The following KMT2C variants were observed in gnomAD, a reference collection of about 807,000 sequenced individuals.
KMT2C encodes the protein lysine methyltransferase 2C.
A neutral mutation model predicts 507.9 loss-of-function variants in KMT2C; 88 were observed. The ratio of observed to expected loss-of-function variants is 0.17; its 90% CI spans 0.15 to 0.21. The LOEUF (loss-of-function observed/expected upper bound fraction) is 0.21. KMT2C is among the 10% of genes least tolerant of loss of function. The probability of loss-of-function intolerance (pLI) is 1.00; values close to 1 mark genes in which losing one functional copy is unlikely to be tolerated. For missense variants in KMT2C, 4,954 were observed against 5,957.8 expected (o/e 0.83, Z 5.55); for synonymous variants, 2,049 against 2,080.8 (o/e 0.98, Z 0.42).
intron 6 of KMT2C, among the ~76,000 whole-genome samples, chr7:152,282,761 T>C (rs2096242040): frequency 6.6e-6 from 1 of 151,606 alleles, no homozygotes; most frequent in East Asian, 1.9e-4. Flanking sequence ...TTTTAGTATA[T>C]ACGTTCTAAT....
At chr7:152,186,993 C>T (rs879689155) in intron 33 of KMT2C, among the ~76,000 whole-genome samples, 10 of 152,160 alleles carry the variant, frequency 6.6e-5, no homozygotes, top group African/African-American at 1.4e-4. Context: ...TCACATAACA[C>T]GGATTTCTGC....
chr7:152,413,944 G>A (rs1037755226), intron 1 of KMT2C, among the ~76,000 whole-genome samples: 2 of 151,748 alleles, frequency 1.3e-5, no homozygotes, highest in African/African-American at 4.9e-5. Flanking sequence ...AGACGCGATG[G>A]CTCATGCCTG....
intron 31 of KMT2C, among the ~76,000 whole-genome samples, chr7:152,188,764 C>T (rs2093703213): frequency 1.3e-5 from 2 of 151,958 alleles, no homozygotes; most frequent in African/African-American, 4.8e-5. Context: ...CACTTGCCAC[C>T]ATGCCCAGCT....
intron 1 of KMT2C, among the ~76,000 whole-genome samples, chr7:152,397,479 C>T (rs139731919): frequency 0.013 from 1,983 of 152,264 alleles, 16 homozygotes; most frequent in Non-Finnish European, 0.022. Context: ...CTTCTTACCA[C>T]GGTGTGAAGG....
At chr7:152,179,314 T>C (rs1357557307) in intron 37 of KMT2C, among the ~76,000 whole-genome samples, 3 of 152,158 alleles carry the variant, frequency 2.0e-5, no homozygotes, top group Non-Finnish European at 4.4e-5. Context: ...ATTTAGAATG[T>C]AAAGTTAAAA....
chr7:152,315,408 AT>A, intron 3 of KMT2C, 70 bp from the exon 4 acceptor site: 1 of 1,072,352 alleles, frequency 9.3e-7, no homozygotes, highest in Non-Finnish European at 1.4e-6. Context: ...AGCGATAACT[AT>A]AGATACTTGT....
rs769355983 is a variant in KMT2C, at chr7:152,220,551, T to C, written c.3684A>G (p.Ser1228=). ...QTPPDIQSEH[S]RDGEMDDSRE... is the part of the protein sequence containing the mutation. ...GACTATCATCCATTTCACCATCCCT[T>C]GAATGCTCTGATTGGATGTCTGGAG... The change falls in exon 23 of 59, where the codon TCA becomes TCG. Residue 1228 remains serine, a synonymous_variant. Coordinates refer to ENST00000262189, the MANE Select transcript of KMT2C (RefSeq NM_170606.3). 10 of 1,611,190 alleles carry C rather than the reference T, an allele frequency of 6.2e-6. No homozygotes were observed. In the South Asian group the frequency reaches 9.9e-5, roughly 16 times the overall value.
At chr7:152,425,187 T>C (rs1318245420) in intron 1 of KMT2C, among the ~76,000 whole-genome samples, 2 of 152,218 alleles carry the variant, frequency 1.3e-5, no homozygotes, top group Non-Finnish European at 2.9e-5. Context: ...GGCTCAGTTA[T>C]CTATAAAATG....
chr7:152,399,075 C>T (rs1378461980), intron 1 of KMT2C, among the ~76,000 whole-genome samples: 9 of 152,096 alleles, frequency 5.9e-5, no homozygotes, highest in Non-Finnish European at 1.3e-4. Flanking sequence ...GCGATCCACC[C>T]ACCTTGGCTT....
At chr7:152,328,701 C>T (rs2096853291) in intron 3 of KMT2C, among the ~76,000 whole-genome samples, 1 of 152,106 alleles carries the variant, frequency 6.6e-6, no homozygotes, top group South Asian at 2.1e-4. Flanking sequence ...GGTTAAAAGG[C>T]TACTACAACT....
chr7:152,202,123 A>G (rs971390514), intron 26 of KMT2C, among the ~76,000 whole-genome samples: 5 of 152,230 alleles, frequency 3.3e-5, no homozygotes, highest in Non-Finnish European at 7.3e-5. Context: ...TGTGTAAGCC[A>G]TAGTTTCTTA....
chr7:152,367,820 G>A, intron 1 of KMT2C: 1 of 924,760 alleles, frequency 1.1e-6, no homozygotes, highest in Non-Finnish European at 1.8e-6. Context: ...CTAATAGCAG[G>A]GTGCAGTGTT....
chr7:152,183,449 T>C (rs904906381), intron 34 of KMT2C, among the ~76,000 whole-genome samples: 5 of 152,300 alleles, frequency 3.3e-5, no homozygotes, highest in Non-Finnish European at 5.9e-5. Context: ...TTAGAAATTA[T>C]GTCTCCTTCA....
rs1031628062 is a variant in KMT2C at position 152,176,060 on chromosome 7, C to T, written c.9262+131G>A. On this transcript the variant is annotated intron_variant, in intron 38 of 58. Transcript: ENST00000262189. ...TCCGTCTCAAAACAAAACAAACAAA[C>T]TCCTCAAGGAGGAATAGAAAAACTC... The T allele has an allele frequency of 6.1e-5, 60 of 975,712 alleles. No individual in the cohort carries two copies. In the Admixed American group the frequency reaches 1.5e-3, roughly 24 times the overall value. 60.4% of individuals were successfully genotyped at this position (975,712 alleles called of 1,614,324 possible). A position where few individuals can be genotyped will look rare whatever the true frequency, so the allele number is the denominator to read the frequency against.
Position 152,178,014 on chromosome 7 carries a change from TTAAAA to T in KMT2C, c.7443-9_7443-5del. ...ACTACCTCCTGGAAATCCAAATCTT[TTAAAA>T]AAAAAAAAAAAAAAAAAAAAAAAGC... On this transcript the variant is annotated splice_polypyrimidine_tract_variant and splice_region_variant and intron_variant, in intron 37 of 58. Coordinates refer to ENST00000262189, the MANE Select transcript of KMT2C (RefSeq NM_170606.3). 4.4e-6 allele frequency: 5 copies of T among 1,129,678 alleles called. No individual in the cohort carries two copies. Among genetic ancestry groups the T allele is most frequent in the South Asian group, 3.8e-5 (1 of 26,134 alleles). The allele number at this position is 1,129,678 out of a possible 1,614,324, so 70.0% of individuals were successfully genotyped here. A position where few individuals can be genotyped will look rare whatever the true frequency, so the allele number is the denominator to read the frequency against.
intron 53 of KMT2C, 49 bp downstream of exon 53, chr7:152,146,550 C>A (rs1261501791): frequency 6.3e-7 from 1 of 1,597,462 alleles, no homozygotes; most frequent in African/African-American, 1.3e-5. Flanking sequence ...AGTGGTCACA[C>A]TGAATCAGGA....
rs185295770 is a variant in KMT2C at position 152,218,104 on chromosome 7, T to C, written c.3712+2419A>G. Among the ~76,000 whole-genome samples, 712 of 152,318 alleles carry C rather than the reference T, an allele frequency of 4.7e-3. 6 individuals are homozygous for C. The highest frequency in any genetic ancestry group is 7.3e-3 in the Admixed American group (111 of 15,298). On this transcript the variant is annotated intron_variant, in intron 23 of 58. Coordinates refer to ENST00000262189, the MANE Select transcript of KMT2C (RefSeq NM_170606.3). ...TCAGAAAGTGTTTCTCCCAGTAACATAGACCCAAAACACACTACAAAACAA... is the reference window on the plus strand; with the variant it reads ...TCAGAAAGTGTTTCTCCCAGTAACACAGACCCAAAACACACTACAAAACAA...
chr7:152,250,425 T>C (rs928785310), intron 12 of KMT2C, among the ~76,000 whole-genome samples: 36 of 152,106 alleles, frequency 2.4e-4, no homozygotes, highest in African/African-American at 8.4e-4. Flanking sequence ...CAATAATAGC[T>C]CTTATCAATA....
rs763751547 is a variant in KMT2C, at chr7:152,176,381, G to A, written c.9072C>T (p.Ser3024=). Residue 3024 remains serine, a synonymous_variant, in exon 38 of 59, where the codon AGC becomes AGT. Coordinates refer to ENST00000262189, the MANE Select transcript of KMT2C (RefSeq NM_170606.3). ...GPQTSQSGTS[S]MSGPQQLMIP... is the part of the protein sequence containing the mutation. ...TCATTAGCTGTTGGGGTCCAGACAT[G>A]CTACTGGTACCAGACTGACTTGTTT... 3.1e-6 allele frequency: 5 copies of A among 1,613,988 alleles called. No homozygotes were observed. Among genetic ancestry groups the A allele is most frequent in the South Asian group, 2.2e-5 (2 of 91,072 alleles).
Sources: gnomAD v4.1 joint callset for allele counts (sites outside exome capture counted in the v4.1 genomes callset) on GRCh38, gnomAD v4.1.1 for gene constraint, MANE v1.5 for transcripts, NCBI Gene and HGNC (gene_info 2026-07-23, HGNC 2026-07-21) for gene names.